MYO6: variants seen among roughly 807,000 people sequenced by gnomAD.
MYO6 encodes myosin VI.
In MYO6, 74 loss-of-function variants were observed where a neutral mutation model predicts 178.7. The observed-to-expected ratio is 0.41, with a 90% CI of 0.34 to 0.50. MYO6 has a LOEUF of 0.50. Among genes scored for constraint, MYO6 ranks in the 20% least tolerant of loss-of-function variants. MYO6 has a pLI of 0.09. For missense variants in MYO6, 1,330 were observed against 1,547.4 expected, an observed-to-expected ratio of 0.86 and a Z score of 2.36; for synonymous variants, 477 against 504.6, an observed-to-expected ratio of 0.95 and a Z score of 0.73.
chr6:75,837,266 C>G (rs1773733399), intron 7 of MYO6, among the ~76,000 whole-genome samples: 1 of 152,156 alleles, frequency 6.6e-6, no homozygotes, highest in Admixed American at 6.5e-5. Context: ...ACTATTTTAT[C>G]CCTACTTTAA....
intron 26 of MYO6, among the ~76,000 whole-genome samples, chr6:75,890,633 C>G (rs148637098): frequency 4.6e-5 from 7 of 152,164 alleles, no homozygotes; most frequent in Non-Finnish European, 8.8e-5. Context: ...GCGTGAGCCA[C>G]CGTGCTCGGT....
intron 28 of MYO6, 107 bp downstream of exon 28, chr6:75,892,797 G>T: frequency 1.7e-6 from 2 of 1,164,026 alleles, no homozygotes; most frequent in Middle Eastern, 2.9e-4. Flanking sequence ...TATTCTGAAG[G>T]CCCTGATATA....
chr6:75,775,871 A>C (rs1766335503), intron 1 of MYO6, among the ~76,000 whole-genome samples: 1 of 152,178 alleles, frequency 6.6e-6, no homozygotes, highest in African/African-American at 2.4e-5. Context: ...GTAATTAGTG[A>C]TATTTACAAG....
intron 1 of MYO6, among the ~76,000 whole-genome samples, chr6:75,783,005 C>T (rs1001831467): frequency 9.3e-5 from 14 of 150,672 alleles, no homozygotes; most frequent in Admixed American, 8.0e-4. Context: ...GCCTTGATCT[C>T]CTAGGCTCAA....
chr6:75,918,168 G>C lies in MYO6; in HGVS notation c.*3156G>C, dbSNP rs897230060. The C allele has an allele frequency of 6.6e-6, 1 of 152,188 alleles. No individual in the cohort carries two copies. Among genetic ancestry groups the C allele is most frequent in the Non-Finnish European group, 1.5e-5 (1 of 68,036 alleles). The allele number at this position is 152,188 out of a possible 1,614,324, so 9.4% of individuals were successfully genotyped here. A position where few individuals can be genotyped will look rare whatever the true frequency, so the allele number is the denominator to read the frequency against. ...CTCTGTCATTCCACAACTTCAGAAG[G>C]TGTGACAGGTTTTCCCTATTTATCA... On this transcript the variant is annotated 3_prime_UTR_variant, in exon 35 of 35. Transcript: ENST00000369977.
intron 1 of MYO6, among the ~76,000 whole-genome samples, chr6:75,780,699 C>T (rs941528446): frequency 2.6e-5 from 4 of 152,010 alleles, no homozygotes; most frequent in African/African-American, 9.7e-5. Context: ...CTTCAATCAA[C>T]AAATATTTAA....
intron 1 of MYO6, among the ~76,000 whole-genome samples, chr6:75,792,446 A>C (rs965285967): frequency 6.6e-6 from 1 of 152,178 alleles, no homozygotes; most frequent in Non-Finnish European, 1.5e-5. Flanking sequence ...ATGGAAACTA[A>C]AGATCCCATT....
At chr6:75,796,509 T>G (rs528857332) in intron 1 of MYO6, among the ~76,000 whole-genome samples, 2 of 152,320 alleles carry the variant, frequency 1.3e-5, no homozygotes, top group South Asian at 4.1e-4. Context: ...CTACTGAGGT[T>G]TAGGGTATAG....
At chr6:75,845,869 C>G (rs1240185484) in intron 10 of MYO6, among the ~76,000 whole-genome samples, 1 of 151,406 alleles carries the variant, frequency 6.6e-6, no homozygotes, top group African/African-American at 2.4e-5. Context: ...TGCCTGTAAT[C>G]CCAGCTACTT....
chr6:75,811,107 G>T (rs10806047), intron 1 of MYO6, among the ~76,000 whole-genome samples: 1 of 151,774 alleles, frequency 6.6e-6, no homozygotes, highest in Non-Finnish European at 1.5e-5. Context: ...TCTCTTGGTG[G>T]GGGTGGTGGG....
chr6:75,874,862 C>T (rs1339957356), intron 20 of MYO6, among the ~76,000 whole-genome samples: 1 of 152,188 alleles, frequency 6.6e-6, no homozygotes, highest in Non-Finnish European at 1.5e-5. Flanking sequence ...TAGCTCCCAC[C>T]TTGATGAGGT....
rs1320449356 is a variant in MYO6 at position 75,866,999 on chromosome 6, G to A, written c.1838G>A (p.Arg613Lys). Residue 613 changes from arginine (R) to lysine (K), a missense_variant, in exon 18 of 35, where the codon AGA (arginine) becomes AAA (lysine). Coordinates refer to ENST00000369977, the MANE Select transcript of MYO6 (RefSeq NM_004999.4). ...MSLESLICES[R>K]DKFIRELFES... ...CTTGAATCCTTAATATGTGAATCCA[G>A]AGATAAGTTTATACGGGAATTATTT... is the stretch of plus-strand genomic sequence containing the variant. 6.2e-7 allele frequency: 1 copy of A among 1,613,774 alleles called. No individual in the cohort carries two copies. Among genetic ancestry groups the A allele is most frequent in the Admixed American group, 1.7e-5 (1 of 60,022 alleles).
intron 12 of MYO6, among the ~76,000 whole-genome samples, chr6:75,856,227 G>A (rs1309110082): frequency 6.6e-6 from 1 of 152,084 alleles, no homozygotes; most frequent in Admixed American, 6.5e-5. Flanking sequence ...TGGTTCTCAG[G>A]CATTGCTTCC....
chr6:75,913,258 T>C (rs1032934566), intron 33 of MYO6, among the ~76,000 whole-genome samples: 1 of 152,164 alleles, frequency 6.6e-6, no homozygotes, highest in African/African-American at 2.4e-5. Context: ...AAAAACCTAA[T>C]TGTTAAGTAA....
At chr6:75,801,783 A>C (rs1214906883) in intron 1 of MYO6, among the ~76,000 whole-genome samples, 1 of 152,088 alleles carries the variant, frequency 6.6e-6, no homozygotes, top group African/African-American at 2.4e-5. Context: ...TCTACTAAAA[A>C]TACAAAAATT....
rs1210893476 is a variant in MYO6, at chr6:75,890,255, G to A, written c.2857G>A (p.Glu953Lys). ...DEKRRRKEEE[E>K]RRMKLEMEAK... is the part of the protein sequence containing the mutation. ...AAAACGTCGAAGAAAGGAAGAGGAG[G>A]AAAGGCGGATGTGAGGCATTTATAT... Residue 953 changes from glutamate (E) to lysine (K), a missense_variant, in exon 26 of 35, where the codon GAA becomes AAA. Physicochemically the swap from Glu to Lys is moderately conservative, Grantham distance 56. Coordinates refer to ENST00000369977, the MANE Select transcript of MYO6 (RefSeq NM_004999.4). 4 of 1,613,744 alleles carry A rather than the reference G, an allele frequency of 2.5e-6. No homozygotes were observed. The highest frequency in any genetic ancestry group is 1.3e-5 in the African/African-American group (1 of 75,042).
intron 16 of MYO6, among the ~76,000 whole-genome samples, chr6:75,864,388 C>G (rs1443016635): frequency 6.6e-6 from 1 of 152,218 alleles, no homozygotes; most frequent in Admixed American, 6.5e-5. Context: ...CATTGACTTG[C>G]AATTCTTCTG....
chr6:75,761,932 T>G (rs1226678327), intron 1 of MYO6, among the ~76,000 whole-genome samples: 2 of 151,622 alleles, frequency 1.3e-5, no homozygotes, highest in Non-Finnish European at 2.9e-5. Context: ...ATTGTAACAG[T>G]TCTTTTTTTT....
intron 5 of MYO6, 34 bp downstream of exon 5, chr6:75,830,579 T>A (rs767962524): frequency 2.1e-5 from 33 of 1,581,644 alleles, no homozygotes; most frequent in Non-Finnish European, 2.5e-5. Flanking sequence ...AATTCTTGTC[T>A]TTCTTTATAT....
Sources: allele counts gnomAD v4.1 joint callset (sites outside exome capture counted in the v4.1 genomes callset), GRCh38; gene constraint gnomAD v4.1.1; transcripts MANE v1.5; gene names NCBI Gene and HGNC (gene_info 2026-07-23, HGNC 2026-07-21).